PPARGC1A: variants seen among roughly 807,000 people sequenced by gnomAD.
PPARGC1A encodes the protein PPARG coactivator 1 alpha, also known as peroxisome proliferator-activated receptor gamma coactivator 1-alpha.
Under a neutral mutation model 88.7 loss-of-function variants are expected in PPARGC1A, and 25 were observed. The observed-to-expected ratio is 0.28, with a 90% confidence interval of 0.21 to 0.39. The LOEUF is 0.39. Ranked by LOEUF, PPARGC1A falls within the 10% of genes least tolerant of loss-of-function variation. The probability of loss-of-function intolerance (pLI) is 1.00; values close to 1 mark genes in which losing one functional copy is unlikely to be tolerated. For synonymous variants in PPARGC1A, 363 were observed against 355.6 expected (o/e 1.02, Z -0.24); for missense variants, 880 against 968.7 (o/e 0.91, Z 1.22).
At chr4:24,044,009 T>A in the PPARGC1A span, among the ~76,000 whole-genome samples, 1 of 152,184 alleles carries the variant, frequency 6.6e-6, no homozygotes, top group Non-Finnish European at 1.5e-5. Context: ...TCCATGTAGA[T>A]CAATGTGGCC....
the PPARGC1A span, among the ~76,000 whole-genome samples, chr4:24,211,011 A>G: frequency 6.6e-6 from 1 of 152,192 alleles, no homozygotes; most frequent in African/African-American, 2.4e-5. Flanking sequence ...ACTGTAATGA[A>G]TATTATCTCC....
At chr4:24,322,523 C>T in the PPARGC1A span, among the ~76,000 whole-genome samples, 2,613 of 152,302 alleles carry the variant, frequency 0.017, 71 homozygotes, top group East Asian at 0.12. Context: ...TTGGATGTAT[C>T]TGTGTATCCA....
the PPARGC1A span, among the ~76,000 whole-genome samples, chr4:24,326,072 C>T: frequency 6.6e-6 from 1 of 152,136 alleles, no homozygotes; most frequent in African/African-American, 2.4e-5. Context: ...TCCTTTGCAT[C>T]CTCCTCTTGT....
At chr4:24,279,759 G>A in the PPARGC1A span, among the ~76,000 whole-genome samples, 2 of 152,038 alleles carry the variant, frequency 1.3e-5, no homozygotes, top group South Asian at 2.1e-4. Flanking sequence ...GCTGGCATGG[G>A]GCAATCTCTG....
Position 23,793,112 on chromosome 4 carries a change from T to C in PPARGC1A, c.*2710A>G, listed in dbSNP as rs1448849853. 6.6e-6 allele frequency: 1 copy of C among 152,604 alleles called. No individual in the cohort carries two copies. The highest frequency in any genetic ancestry group is 1.5e-5 in the Non-Finnish European group (1 of 68,020). 9.5% of individuals were successfully genotyped at this position (152,604 alleles called of 1,614,324 possible). ...GCAAAATAGAGAACACATGTGGTCCTTGAACACATAATAGGATTTACTAAA... is the reference window on the plus strand; with the variant it reads ...GCAAAATAGAGAACACATGTGGTCCCTGAACACATAATAGGATTTACTAAA... On this transcript the variant is annotated 3_prime_UTR_variant, in exon 13 of 13. Transcript: ENST00000264867.
chr4:23,888,683 A>G (rs1560519728), intron 1 of PPARGC1A, among the ~76,000 whole-genome samples: 1 of 152,236 alleles, frequency 6.6e-6, no homozygotes, highest in Non-Finnish European at 1.5e-5. Flanking sequence ...CAAACCCAGC[A>G]AAGAGTTAAG....
intron 5 of PPARGC1A, among the ~76,000 whole-genome samples, chr4:23,826,570 T>C (rs1723977631): frequency 6.6e-6 from 1 of 152,090 alleles, no homozygotes; most frequent in Admixed American, 6.5e-5. Context: ...CAATCGATCC[T>C]CCTAGTTATC....
At chr4:23,827,330 C>T (rs1724139382) in intron 5 of PPARGC1A, among the ~76,000 whole-genome samples, 1 of 151,666 alleles carries the variant, frequency 6.6e-6, no homozygotes, top group Non-Finnish European at 1.5e-5. Flanking sequence ...ATTGAATCAG[C>T]AGCAATAACA....
the PPARGC1A span, among the ~76,000 whole-genome samples, chr4:23,991,705 G>A: frequency 3.1e-3 from 468 of 151,876 alleles, 4 homozygotes; most frequent in African/African-American, 0.011. Context: ...GCTTAAATAA[G>A]TTGCTCAAAA....
At chr4:24,438,222 G>C in the PPARGC1A span, among the ~76,000 whole-genome samples, 1 of 152,104 alleles carries the variant, frequency 6.6e-6, no homozygotes, top group Non-Finnish European at 1.5e-5. Flanking sequence ...ATGATCCTTG[G>C]GTTTCACCTC....
the PPARGC1A span, among the ~76,000 whole-genome samples, chr4:24,095,408 G>C: frequency 6.6e-6 from 1 of 152,122 alleles, no homozygotes; most frequent in Non-Finnish European, 1.5e-5. Context: ...GCAGGCATAA[G>C]CCACCACACC....
chr4:24,159,053 T>A, the PPARGC1A span, among the ~76,000 whole-genome samples: 20 of 152,242 alleles, frequency 1.3e-4, no homozygotes, highest in South Asian at 3.9e-3. Flanking sequence ...CTCGATAAAG[T>A]ATAATAATTT....
chr4:24,408,749 ATCTTTAGATGAC>A, the PPARGC1A span, among the ~76,000 whole-genome samples: 1 of 152,318 alleles, frequency 6.6e-6, no homozygotes, highest in East Asian at 1.9e-4. Context: ...GCCCACTGGT[ATCTTTAGATGAC>A]TCTAGCCCCA....
chr4:23,959,017 CAAAAAAAA>C, the PPARGC1A span, among the ~76,000 whole-genome samples: 1 of 138,856 alleles, frequency 7.2e-6, no homozygotes, highest in African/African-American at 2.7e-5. Flanking sequence ...TTTACCAAAC[CAAAAAAAA>C]AAAAAAAAGA....
the PPARGC1A span, among the ~76,000 whole-genome samples, chr4:24,470,316 ACACACACACT>A: frequency 0.033 from 4,804 of 144,638 alleles, 162 homozygotes; most frequent in South Asian, 0.048. This position sits in a 1 kb window ranked among gnomAD's most constrained non-coding sequence, Gnocchi z 5.8. Context: ...ACACACACAC[ACACACACACT>A]CTCTCACACA....
At chr4:24,342,390 T>C in the PPARGC1A span, among the ~76,000 whole-genome samples, 1 of 152,172 alleles carries the variant, frequency 6.6e-6, no homozygotes, top group Non-Finnish European at 1.5e-5. Context: ...CTGAGGCTAA[T>C]AGAGGTTAGG....
At chr4:24,103,679 A>G in the PPARGC1A span, among the ~76,000 whole-genome samples, 1 of 149,994 alleles carries the variant, frequency 6.7e-6, no homozygotes, top group South Asian at 2.1e-4. Flanking sequence ...TTTTTGGCTG[A>G]GTGTCCTGCT....
chr4:24,100,600 T>C, the PPARGC1A span, among the ~76,000 whole-genome samples: 10 of 152,160 alleles, frequency 6.6e-5, no homozygotes, highest in Non-Finnish European at 1.0e-4. Context: ...CAATATTGAG[T>C]GCCACAAAAT....
rs1717432198 is a variant in PPARGC1A at position 23,889,277 on chromosome 4, T to C, written c.54+627A>G. 4 of 985,294 alleles carry C rather than the reference T, an allele frequency of 4.1e-6. No individual in the cohort carries two copies. The African/African-American group carries it at 7.0e-5, about 17-fold the overall frequency. The allele number at this position is 985,294 out of a possible 1,614,324, so 61.0% of individuals were successfully genotyped here. The stretch of plus-strand genomic sequence containing the variant: ...TGCCACCGACGCGAACGGAAAACCT[T>C]GCACTGCCAGGCGTTTCTTTTTATT... On this transcript the variant is annotated intron_variant, in intron 1 of 12. Transcript: ENST00000264867.
Sources: allele counts gnomAD v4.1 joint callset (sites outside exome capture counted in the v4.1 genomes callset), GRCh38; gene constraint gnomAD v4.1.1; non-coding constraint Gnocchi (gnomAD v3.1); transcripts MANE v1.5; gene names NCBI Gene and HGNC (gene_info 2026-07-23, HGNC 2026-07-21).